RPTOR: variants seen among roughly 807,000 people sequenced by gnomAD.
RPTOR encodes the protein regulatory associated protein of MTOR complex 1, also known as regulatory-associated protein of mTOR.
In RPTOR, 21 loss-of-function variants were observed where a neutral mutation model predicts 169.9. The ratio of observed to expected loss-of-function variants is 0.12; its 90% CI spans 0.09 to 0.18. The LOEUF (loss-of-function observed/expected upper bound fraction) is 0.18, where lower values mean the gene tolerates loss of function less well. Among genes scored for constraint, RPTOR ranks in the 10% least tolerant of loss-of-function variants. The pLI, the probability that RPTOR is intolerant of heterozygous loss-of-function variation, is 1.00. For synonymous variants in RPTOR, 732 were observed against 753.2 expected, an observed-to-expected ratio of 0.97 and a Z score of 0.46; for missense variants, 1,133 against 1,855.9, an observed-to-expected ratio of 0.61 and a Z score of 7.16.
intron 10 of RPTOR, among the ~76,000 whole-genome samples, chr17:80,839,260 G>A (rs1252551303): frequency 1.3e-5 from 2 of 152,180 alleles, no homozygotes; most frequent in African/African-American, 2.4e-5. Flanking sequence ...CTGGGAAAAC[G>A]GCCTTTTAAG....
At position 80,659,017 on chromosome 17, in the gene RPTOR, A is replaced by T. The variant is rs1046018386; in HGVS notation, c.348+15207A>T. Among the ~76,000 whole-genome samples the T allele has an allele frequency of 6.6e-6, 1 of 152,170 alleles. No homozygotes were observed. Among genetic ancestry groups the T allele is most frequent in the Non-Finnish European group, 1.5e-5 (1 of 68,032 alleles). Reference sequence around the variant, plus strand: ...TGGACTCAGCTGTTGCTGTCAGCACAGTGTGGACTTGAGGGCATGACTAGA... The same window carrying T: ...TGGACTCAGCTGTTGCTGTCAGCACTGTGTGGACTTGAGGGCATGACTAGA... On this transcript the variant is annotated intron_variant, in intron 3 of 33. Transcript: ENST00000306801. This position sits in a 1 kb window ranked among gnomAD's most constrained non-coding sequence, Gnocchi z 4.3.
In RPTOR at chr17:80,597,595, C is replaced by T. The variant is rs115185602; in HGVS notation, c.163-28096C>T. ...CCCAGGCTGGAGTGCAGTGCGATCTCGGCTCACTGCAACCTCTGGCTCCTG... is the reference window on the plus strand; with the variant it reads ...CCCAGGCTGGAGTGCAGTGCGATCTTGGCTCACTGCAACCTCTGGCTCCTG... On this transcript the variant is annotated intron_variant, in intron 1 of 33. Transcript: ENST00000306801. Among the ~76,000 whole-genome samples, 645 of 152,152 alleles carry T rather than the reference C, an allele frequency of 4.2e-3. 5 individuals are homozygous for T. The highest frequency in any genetic ancestry group is 0.015 in the African/African-American group (627 of 41,486).
chr17:80,672,855 G>A (rs1406760145), intron 3 of RPTOR, among the ~76,000 whole-genome samples: 2 of 152,074 alleles, frequency 1.3e-5, no homozygotes, highest in South Asian at 2.1e-4. Context: ...TGTAAATGAC[G>A]ATACCACCCA....
At chr17:80,933,423 T>C (rs1415932743) in intron 24 of RPTOR, among the ~76,000 whole-genome samples, 2 of 152,174 alleles carry the variant, frequency 1.3e-5, no homozygotes, top group Non-Finnish European at 2.9e-5. Context: ...AGAATAAACC[T>C]AGTAAAAGAA....
chr17:80,599,239 T>C (rs1423298684), intron 1 of RPTOR, among the ~76,000 whole-genome samples: 2 of 152,140 alleles, frequency 1.3e-5, no homozygotes, highest in East Asian at 3.9e-4. Flanking sequence ...AGCCATGCGG[T>C]GAGGCCCTGT....
At chr17:80,710,745 C>T (rs942046144) in intron 4 of RPTOR, among the ~76,000 whole-genome samples, 2 of 152,100 alleles carry the variant, frequency 1.3e-5, no homozygotes, top group Admixed American at 6.5e-5. Flanking sequence ...TCATGCATGG[C>T]TTATTCAGTT....
chr17:80,672,182 C>T (rs1341096808), intron 3 of RPTOR, among the ~76,000 whole-genome samples: 1 of 152,072 alleles, frequency 6.6e-6, no homozygotes, highest in Non-Finnish European at 1.5e-5. Flanking sequence ...TCTTTATGCT[C>T]ACAGTATAAA....
intron 20 of RPTOR, among the ~76,000 whole-genome samples, chr17:80,895,263 C>T (rs755999331): frequency 9.2e-5 from 14 of 152,160 alleles, no homozygotes; most frequent in Non-Finnish European, 1.6e-4. Context: ...ATATGGTGGC[C>T]GCTCCCCTCT....
chr17:80,762,932 A>G (rs2066749844), intron 6 of RPTOR, among the ~76,000 whole-genome samples: 2 of 152,248 alleles, frequency 1.3e-5, no homozygotes, highest in Non-Finnish European at 2.9e-5. Flanking sequence ...TTTGAAATAA[A>G]GTTGTAACTG....
intron 11 of RPTOR, 39 bp from the exon 12 acceptor site, chr17:80,855,425 A>G (rs375913391): frequency 1.6e-5 from 24 of 1,480,894 alleles, no homozygotes; most frequent in Non-Finnish European, 2.0e-5. Flanking sequence ...GCACACCAGT[A>G]TGGTTTGCAG....
intron 28 of RPTOR, among the ~76,000 whole-genome samples, chr17:80,952,617 T>C (rs1368847577): frequency 6.6e-6 from 1 of 152,224 alleles, no homozygotes; most frequent in Admixed American, 6.5e-5. Context: ...TTTCTTGTTT[T>C]CTGGCATCTT....
chr17:80,677,641 T>C (rs1295928222), intron 3 of RPTOR, among the ~76,000 whole-genome samples: 2 of 152,226 alleles, frequency 1.3e-5, no homozygotes, highest in Non-Finnish European at 2.9e-5. Context: ...TTTCAGGCGT[T>C]TGCTGGGCAG....
chr17:80,918,710 A>G (rs1387361493), intron 21 of RPTOR, among the ~76,000 whole-genome samples: 1 of 151,984 alleles, frequency 6.6e-6, no homozygotes, highest in Non-Finnish European at 1.5e-5. Flanking sequence ...TAAAACTTAA[A>G]ACTGGGATCA....
Position 80,730,715 on chromosome 17 carries a change from T to C in RPTOR, c.654+9T>C. On this transcript the variant is annotated intron_variant, in intron 5 of 33. Coordinates refer to ENST00000306801, the MANE Select transcript of RPTOR (RefSeq NM_020761.3). The surrounding 1 kb of genome is among the most constrained non-coding windows in gnomAD (Gnocchi z 4.2). The stretch of plus-strand genomic sequence containing the variant: ...GGGAGCAGGAGCTGGAGGTGAGCGC[T>C]CTGGTGCTTGGAGAGCGGTGCTGGG... The C allele has an allele frequency of 1.4e-6, 2 of 1,456,314 alleles. No individual in the cohort carries two copies. The highest frequency in any genetic ancestry group is 1.8e-6 in the Non-Finnish European group (2 of 1,082,118). 90.2% of individuals were successfully genotyped at this position (1,456,314 alleles called of 1,614,324 possible). A position where few individuals can be genotyped will look rare whatever the true frequency, so the allele number is the denominator to read the frequency against.
intron 20 of RPTOR, among the ~76,000 whole-genome samples, chr17:80,901,162 C>T (rs1041641485): frequency 4.6e-5 from 7 of 151,872 alleles, no homozygotes; most frequent in African/African-American, 1.2e-4. Context: ...GAGTGAATGC[C>T]GTTGTTATCC....
In RPTOR at chr17:80,845,650, C is replaced by G. The variant is rs2067720910; in HGVS notation, c.1213-823C>G. ...CCTCCGTGCCCCCAGCTGGGTCTTT[C>G]TCACCAGCGTCCTGTCCCCATTACT... On this transcript the variant is annotated intron_variant, in intron 10 of 33. Transcript: ENST00000306801. The surrounding 1 kb of genome is among the most constrained non-coding windows in gnomAD (Gnocchi z 5.4). Among the ~76,000 whole-genome samples the G allele has an allele frequency of 6.6e-6, 1 of 152,014 alleles. No homozygotes were observed. The highest frequency in any genetic ancestry group is 2.1e-4 in the South Asian group (1 of 4,826).
At chr17:80,636,912 G>C (rs1426879686) in intron 2 of RPTOR, among the ~76,000 whole-genome samples, 1 of 152,242 alleles carries the variant, frequency 6.6e-6, no homozygotes, top group Non-Finnish European at 1.5e-5. Context: ...CCACTGCCGG[G>C]CATGTAGCCT....
chr17:80,772,121 T>C (rs541584738), intron 6 of RPTOR, among the ~76,000 whole-genome samples: 1 of 152,310 alleles, frequency 6.6e-6, no homozygotes, highest in South Asian at 2.1e-4. Context: ...TTTCTGCACA[T>C]AGAGGTGAGG....
At chr17:80,884,872 G>C in intron 16 of RPTOR, 136 bp from the exon 17 acceptor site, 1 of 1,190,104 alleles carries the variant, frequency 8.4e-7, no homozygotes, top group South Asian at 1.6e-5. Context: ...ATAGTGCGAG[G>C]AGAGCCTTGG....
Sources: gnomAD v4.1 joint callset for allele counts (sites outside exome capture counted in the v4.1 genomes callset) on GRCh38, gnomAD v4.1.1 for gene constraint, Gnocchi (gnomAD v3.1) non-coding constraint, MANE v1.5 for transcripts, NCBI Gene and HGNC (gene_info 2026-07-23, HGNC 2026-07-21) for gene names.